Variants in PNPLA5 observed in about 807,000 individuals in gnomAD.
PNPLA5 encodes the protein patatin like domain 5, triacylglycerol lipase.
PNPLA5 carries 44 observed loss-of-function variants against 49.1 expected under a neutral mutation model. That is an observed-to-expected ratio of 0.90 (90% CI 0.70 to 1.15). The LOEUF is 1.15. PNPLA5 is among the 50% of genes most tolerant of loss of function. The pLI, the probability that PNPLA5 is intolerant of heterozygous loss-of-function variation, is 0.00. For missense variants in PNPLA5, 603 were observed against 564.0 expected (o/e 1.07, Z -0.70); for synonymous variants, 243 against 244.4 (o/e 0.99, Z 0.06).
At position 43,891,123 on chromosome 22, in the gene PNPLA5, C is replaced by A; in HGVS notation, c.365G>T (p.Arg122Leu). The A allele has an allele frequency of 1.9e-6, 3 of 1,608,696 alleles. No individual in the cohort carries two copies. The highest frequency in any genetic ancestry group is 2.5e-6 in the Non-Finnish European group (3 of 1,177,264). Residue 122 changes from arginine to leucine, a missense_variant, in exon 2 of 9, where the codon CGC becomes CTC. By Grantham distance (102) the Arg-to-Leu change is moderately radical (BLOSUM62 -2). Coordinates refer to ENST00000216177, the MANE Select transcript of PNPLA5 (RefSeq NM_138814.4). The part of the protein sequence containing the change: ...ASQRLGISLT[R>L]WPDGRNFLVT... ...CAAGAAGTTGCGTCCGTCAGGCCAG[C>A]GGGTCAGCGAAATGCCCAGCCGCTG...
At chr22:43,889,074 A>G (rs2071882) in intron 4 of PNPLA5, among the ~76,000 whole-genome samples, 52,913 of 152,202 alleles carry the variant, frequency 0.35, 9,473 homozygotes, top group South Asian at 0.48. Context: ...AAGGCCAGCT[A>G]AGCAGAGTTG....
chr22:43,891,624 T>C (rs753260497), intron 1 of PNPLA5, 64 bp downstream of exon 1: 130 of 1,471,492 alleles, frequency 8.8e-5, no homozygotes, highest in Non-Finnish European at 1.1e-4. Flanking sequence ...CCAGCGTCTC[T>C]GGGCTCGATC....
chr22:43,890,839 G>A (rs2049715029), intron 2 of PNPLA5, among the ~76,000 whole-genome samples: 1 of 152,222 alleles, frequency 6.6e-6, no homozygotes, highest in African/African-American at 2.4e-5. Flanking sequence ...GCCTGACTCT[G>A]CCGGGCCCCA....
rs1421884171 is a variant in PNPLA5, at chr22:43,884,234, T to C, written c.1061A>G (p.Tyr354Cys). Residue 354 changes from tyrosine (Y) to cysteine (C), a missense_variant, in exon 7 of 9, where the codon TAC becomes TGC. By Grantham distance (194) the Tyr-to-Cys change is radical (BLOSUM62 -2). Transcript: ENST00000216177. ...LLLPCTLPFEYIYFRSRRLVV... is the reference protein window; with the variant it reads ...LLLPCTLPFECIYFRSRRLVV... ...TTACCTTCTGCTGCGGAAGTAGATGTACTCGAAGGGCAGTGTGCAGGGTAG... is the reference window on the plus strand; with the variant it reads ...TTACCTTCTGCTGCGGAAGTAGATGCACTCGAAGGGCAGTGTGCAGGGTAG... 1 of 1,570,786 alleles carries C rather than the reference T, an allele frequency of 6.4e-7. No individual in the cohort carries two copies. The highest frequency in any genetic ancestry group is 8.6e-7 in the Non-Finnish European group (1 of 1,157,120).
Position 43,889,359 on chromosome 22 carries a change from C to A in PNPLA5, c.672G>T (p.Gly224=). ...FQISTENFFL[G]LICLIPPSLE... is the part of the protein sequence containing the mutation. ...GGCTGGGGGGTATGAGACATATGAG[C>A]CCCAGGAAGAAGTTCTCAGTGGAGA... Residue 224 remains glycine, a synonymous_variant, in exon 4 of 9, where the codon GGG becomes GGT. Coordinates refer to ENST00000216177, the MANE Select transcript of PNPLA5 (RefSeq NM_138814.4). 1 of 1,613,960 alleles carries A rather than the reference C, an allele frequency of 6.2e-7. No individual in the cohort carries two copies. Among genetic ancestry groups the A allele is most frequent in the Non-Finnish European group, 8.5e-7 (1 of 1,179,998 alleles).
At chr22:43,883,958 G>C (rs2049635796) in intron 7 of PNPLA5, among the ~76,000 whole-genome samples, 1 of 152,116 alleles carries the variant, frequency 6.6e-6, no homozygotes, top group Non-Finnish European at 1.5e-5. Flanking sequence ...ACAGTGTAGG[G>C]CCCAGGAGGC....
At chr22:43,882,843 C>T (rs2049623845) in intron 7 of PNPLA5, among the ~76,000 whole-genome samples, 1 of 152,194 alleles carries the variant, frequency 6.6e-6, no homozygotes, top group Non-Finnish European at 1.5e-5. Flanking sequence ...TGTGGTTCAC[C>T]ATCATAGACC....
chr22:43,881,824 T>G, intron 7 of PNPLA5, 150 bp from the exon 8 acceptor site: 1 of 1,404,286 alleles, frequency 7.1e-7, no homozygotes. Context: ...CGTTGGCCAC[T>G]GTTGCAGAGC....
intron 7 of PNPLA5, 91 bp downstream of exon 7, chr22:43,884,120 CTA>C (rs2049637708): frequency 2.5e-4 from 299 of 1,188,682 alleles, no homozygotes; most frequent in Middle Eastern, 1.2e-3. Flanking sequence ...CCGCCGAGCC[CTA>C]CCCACCCAGT....
At chr22:43,889,671 G>A in intron 3 of PNPLA5, 128 bp downstream of exon 3, 4 of 1,513,842 alleles carry the variant, frequency 2.6e-6, no homozygotes, top group African/African-American at 1.4e-5. Context: ...ACGCCCCCCA[G>A]GAGCAGGGGG....
rs868748744 is a variant in PNPLA5, at chr22:43,886,541, G to A, written c.764-53C>T. The A allele has an allele frequency of 9.9e-5, 154 of 1,548,790 alleles. No homozygotes were observed. In the Middle Eastern group the frequency reaches 1.1e-3, roughly 11 times the overall value. ...TCAAGCATCTGAGCCTCCCCAAGGC[G>A]CCCCATGCTGCCCACATCCCTCAGA... is the stretch of plus-strand genomic sequence containing the variant. On this transcript the variant is annotated intron_variant, in intron 5 of 8. Transcript: ENST00000216177.
chr22:43,887,092 C>CACACACA (rs61606378), intron 5 of PNPLA5, among the ~76,000 whole-genome samples: 1 of 150,558 alleles, frequency 6.6e-6, no homozygotes, highest in Non-Finnish European at 1.5e-5. Context: ...CACACACACA[C>CACACACA]CCCTCCTGCC....
chr22:43,890,469 G>A (rs1249503630), intron 2 of PNPLA5, among the ~76,000 whole-genome samples: 2 of 152,206 alleles, frequency 1.3e-5, no homozygotes, highest in Non-Finnish European at 2.9e-5. Context: ...ACTTGAGCGT[G>A]CGCGTACACA....
chr22:43,883,819 AAAG>A (rs142532902), intron 7 of PNPLA5, among the ~76,000 whole-genome samples: 272 of 86,382 alleles, frequency 3.1e-3, no homozygotes, highest in Non-Finnish European at 4.6e-3. Context: ...AGAAAAAAAA[AAAG>A]AAAAGAAAAG....
intron 2 of PNPLA5, 120 bp downstream of exon 2, chr22:43,890,942 C>G: frequency 7.6e-7 from 1 of 1,315,016 alleles, no homozygotes; most frequent in Non-Finnish European, 1.0e-6. Context: ...ACAAACAGGT[C>G]CACCCGCCCT....
rs35343347 is a variant in PNPLA5 at position 43,888,371 on chromosome 22, A to AGTGTGTGTGTGT, written c.703-732_703-721dup. 3.5e-3 allele frequency among the ~76,000 whole-genome samples: 390 copies of AGTGTGTGTGTGT among 112,976 alleles called. 5 individuals are homozygous for AGTGTGTGTGTGT. The highest frequency in any genetic ancestry group is 9.6e-3 in the African/African-American group (261 of 27,276). The allele number at this position is 112,976 out of a possible 152,430, so 74.1% of individuals were successfully genotyped here. A position where few individuals can be genotyped will look rare whatever the true frequency, so the allele number is the denominator to read the frequency against. On this transcript the variant is annotated intron_variant, in intron 4 of 8. Transcript: ENST00000216177. ...AGCCAGGATGTGGATGGGGCAGAGG[A>AGTGTGTGTGTGT]GTGTGTGTGTGTGTGTGTGTGTGTG...
Position 43,891,790 on chromosome 22 carries a change from G to A in PNPLA5, c.91C>T (p.Leu31=), listed in dbSNP as rs1281142472. The change falls in exon 1 of 9, where the codon CTG becomes TTG. Residue 31 remains leucine (L), a synonymous_variant. Coordinates refer to ENST00000216177, the MANE Select transcript of PNPLA5 (RefSeq NM_138814.4). ...GAHHVGATEC[L]RQRAPRLLQG... ...AGGAGGCGCGGGGCTCGCTGGCGCAGGCATTCGGTGGCGCCCACGTGGTGG... is the reference window on the plus strand; with the variant it reads ...AGGAGGCGCGGGGCTCGCTGGCGCAAGCATTCGGTGGCGCCCACGTGGTGG... 3 of 1,526,498 alleles carry A rather than the reference G, an allele frequency of 2.0e-6. No individual in the cohort carries two copies. Among genetic ancestry groups the A allele is most frequent in the Non-Finnish European group, 2.6e-6 (3 of 1,140,510 alleles). 94.6% of individuals were successfully genotyped at this position (1,526,498 alleles called of 1,614,324 possible).
At position 43,880,773 on chromosome 22, in the gene PNPLA5, G is replaced by A. The variant is rs2049600859; in HGVS notation, c.*22C>T. 1 of 1,317,746 alleles carries A rather than the reference G, an allele frequency of 7.6e-7. No homozygotes were observed. The highest frequency in any genetic ancestry group is 9.7e-7 in the Non-Finnish European group (1 of 1,028,218). The allele number at this position is 1,317,746 out of a possible 1,614,324, so 81.6% of individuals were successfully genotyped here. The stretch of plus-strand genomic sequence containing the variant: ...CAGGAATCAAGGGACACCAGTCACT[G>A]GGCTGGCCCTGCTCGGCCCCCTCAG... On this transcript the variant is annotated 3_prime_UTR_variant, in exon 9 of 9. Coordinates refer to ENST00000216177, the MANE Select transcript of PNPLA5 (RefSeq NM_138814.4).
At position 43,880,151 on chromosome 22, in the gene PNPLA5, G is replaced by C. The variant is rs2049593299; in HGVS notation, c.*644C>G. 6 of 346,168 alleles carry C rather than the reference G, an allele frequency of 1.7e-5. No individual in the cohort carries two copies. Among genetic ancestry groups the C allele is most frequent in the Non-Finnish European group, 2.1e-5 (4 of 193,146 alleles). The allele number at this position is 346,168 out of a possible 1,614,324, so 21.4% of individuals were successfully genotyped here. ...ACAGCTACGTCACAAACCTTCTGCA[G>C]GAATGAGGCTGTGGGGATAGCAGGG... On this transcript the variant is annotated 3_prime_UTR_variant, in exon 9 of 9. Transcript: ENST00000216177.
Sources: allele counts gnomAD v4.1 joint callset (sites outside exome capture counted in the v4.1 genomes callset), GRCh38; gene constraint gnomAD v4.1.1; transcripts MANE v1.5; gene names NCBI Gene and HGNC (gene_info 2026-07-23, HGNC 2026-07-21).